Variants in TAFA2 observed in about 807,000 individuals in gnomAD.
The protein encoded by TAFA2 is chemokine-like protein TAFA-2.
A neutral mutation model predicts 18.8 loss-of-function variants in TAFA2; 7 were observed. The ratio of observed to expected loss-of-function variants is 0.37; its 90% CI spans 0.21 to 0.70. TAFA2 has a LOEUF of 0.70. Ranked by LOEUF, TAFA2 falls within the 30% of genes least tolerant of loss-of-function variation. The pLI, the probability that TAFA2 is intolerant of heterozygous loss-of-function variation, is 0.53. For missense variants in TAFA2, 122 were observed against 158.1 expected, an observed-to-expected ratio of 0.77 and a Z score of 1.23; for synonymous variants, 60 against 54.2, an observed-to-expected ratio of 1.11 and a Z score of -0.47.
intron 1 of TAFA2, among the ~76,000 whole-genome samples, chr12:62,092,507 A>G (rs1237844057): frequency 6.6e-6 from 1 of 151,948 alleles, no homozygotes; most frequent in East Asian, 1.9e-4. Context: ...ATATTCCTTG[A>G]CATGAATAAT....
intron 1 of TAFA2, among the ~76,000 whole-genome samples, chr12:62,237,326 T>C (rs2062842741): frequency 6.6e-6 from 1 of 152,226 alleles, no homozygotes; most frequent in African/African-American, 2.4e-5. Flanking sequence ...TGTTGAGAGC[T>C]TCTAATGCAT....
intron 4 of TAFA2, among the ~76,000 whole-genome samples, chr12:61,728,658 T>C (rs989591299): frequency 1.5e-5 from 2 of 137,726 alleles, no homozygotes; most frequent in Non-Finnish European, 3.3e-5. Context: ...AGCAGATACT[T>C]GGTTGGTGAC....
At position 61,926,304 on chromosome 12, in the gene TAFA2, A is replaced by G. The variant is rs561799242; in HGVS notation, c.-1-58878T>C. Among the ~76,000 whole-genome samples the G allele has an allele frequency of 3.3e-5, 5 of 152,364 alleles. No individual in the cohort carries two copies. The South Asian group carries it at 1.0e-3, about 32-fold the overall frequency. ...GTACCATTCCTTCTGAAACTATTCC[A>G]AACAATAGAAAAAGAGGGACTCCTC... is the stretch of plus-strand genomic sequence containing the variant. On this transcript the variant is annotated intron_variant, in intron 1 of 4. Coordinates refer to ENST00000416284, the MANE Select transcript of TAFA2 (RefSeq NM_178539.5).
At chr12:62,122,444 C>T (rs1870239942) in intron 1 of TAFA2, among the ~76,000 whole-genome samples, 1 of 152,182 alleles carries the variant, frequency 6.6e-6, no homozygotes, top group African/African-American at 2.4e-5. Flanking sequence ...TAACAGCTAA[C>T]ACTCAGGCTC....
intron 4 of TAFA2, among the ~76,000 whole-genome samples, chr12:61,739,800 C>T (rs941294960): frequency 6.6e-6 from 1 of 152,036 alleles, no homozygotes. Context: ...ACAAATCAAT[C>T]ATATGTTGTA....
intron 1 of TAFA2, among the ~76,000 whole-genome samples, chr12:62,151,457 T>C (rs540289061): frequency 6.6e-6 from 1 of 152,370 alleles, no homozygotes; most frequent in South Asian, 2.1e-4. Flanking sequence ...AGGTCTTCTT[T>C]ACTTTCAATG....
intron 1 of TAFA2, among the ~76,000 whole-genome samples, chr12:62,002,551 G>A (rs78164996): frequency 0.016 from 2,430 of 152,118 alleles, 67 homozygotes; most frequent in African/African-American, 0.055. Flanking sequence ...TACATCACTC[G>A]CAAACCCTCA....
chr12:61,888,521 A>T (rs532488689), intron 1 of TAFA2, among the ~76,000 whole-genome samples: 100 of 152,334 alleles, frequency 6.6e-4, no homozygotes, highest in African/African-American at 2.3e-3. Context: ...TCCTACAAAC[A>T]CAGAAAGTGG....
intron 2 of TAFA2, chr12:61,827,058 C>T (rs190410845): frequency 1.7e-4 from 26 of 152,134 alleles, no homozygotes; most frequent in Admixed American, 1.6e-3. Context: ...AAGCCCATTC[C>T]TTTGCAATTG....
intron 4 of TAFA2, among the ~76,000 whole-genome samples, chr12:61,731,588 A>G (rs189008650): frequency 7.6e-6 from 1 of 131,978 alleles, no homozygotes; most frequent in South Asian, 2.5e-4. Flanking sequence ...TCCGCCTCTC[A>G]GATCATAATT....
chr12:62,193,507 T>C (rs190763067), upstream of TAFA2, among the ~76,000 whole-genome samples: 1 of 152,372 alleles, frequency 6.6e-6, no homozygotes, highest in African/African-American at 2.4e-5. Flanking sequence ...CTACATACCA[T>C]ATTTACAAAG....
chr12:61,818,909 A>G (rs1872205194), intron 2 of TAFA2, among the ~76,000 whole-genome samples: 2 of 152,216 alleles, frequency 1.3e-5, no homozygotes, highest in African/African-American at 4.8e-5. Context: ...ACTGAGACTC[A>G]GAGAGTAAAA....
intron 1 of TAFA2, among the ~76,000 whole-genome samples, chr12:61,913,097 A>G (rs1164688774): frequency 1.3e-5 from 2 of 152,196 alleles, no homozygotes; most frequent in African/African-American, 2.4e-5. Context: ...ATAATTGCCA[A>G]TGGGGTAACC....
chr12:61,985,589 T>C (rs1879784888), intron 1 of TAFA2, among the ~76,000 whole-genome samples: 1 of 152,172 alleles, frequency 6.6e-6, no homozygotes, highest in Non-Finnish European at 1.5e-5. Flanking sequence ...TATTAACATA[T>C]TAGAATGAAA....
At chr12:62,056,807 A>G (rs763350614) in intron 1 of TAFA2, among the ~76,000 whole-genome samples, 23 of 152,244 alleles carry the variant, frequency 1.5e-4, no homozygotes, top group Non-Finnish European at 3.2e-4. Flanking sequence ...TAGGAGGAGA[A>G]ATGGGTGCTG....
upstream of TAFA2, among the ~76,000 whole-genome samples, chr12:62,196,616 T>C (rs1273311505): frequency 6.6e-6 from 1 of 152,152 alleles, no homozygotes; most frequent in African/African-American, 2.4e-5. Flanking sequence ...CCACACAACA[T>C]TTATTAATTA....
intron 2 of TAFA2, among the ~76,000 whole-genome samples, chr12:61,781,604 T>C (rs1029939047): frequency 5.3e-5 from 8 of 151,640 alleles, no homozygotes; most frequent in Non-Finnish European, 8.8e-5. Flanking sequence ...TGTGTGTGTA[T>C]GTGTGTGTAC....
chr12:61,895,680 C>T (rs546075376), intron 1 of TAFA2, among the ~76,000 whole-genome samples: 31 of 152,262 alleles, frequency 2.0e-4, no homozygotes, highest in African/African-American at 5.8e-4. Flanking sequence ...CTGGGGCAAT[C>T]TCTTCAGAGA....
chr12:62,254,234 C>T (rs2136996544), intron 1 of TAFA2, among the ~76,000 whole-genome samples: 1 of 152,260 alleles, frequency 6.6e-6, no homozygotes, highest in South Asian at 2.1e-4. Context: ...TAAATCATTA[C>T]TACTATATGT....
Sources: gnomAD v4.1 joint callset for allele counts (sites outside exome capture counted in the v4.1 genomes callset) on GRCh38, gnomAD v4.1.1 for gene constraint, MANE v1.5 for transcripts, NCBI Gene and HGNC (gene_info 2026-07-23, HGNC 2026-07-21) for gene names.